NRG1: variants seen among roughly 807,000 people sequenced by gnomAD.
NRG1 encodes pro-neuregulin-1, membrane-bound isoform.
A neutral mutation model predicts 63.8 loss-of-function variants in NRG1; 18 were observed. That is an observed-to-expected ratio of 0.28 (90% CI 0.19 to 0.42). The LOEUF is 0.42. Ranked by LOEUF, NRG1 falls within the 10% of genes least tolerant of loss-of-function variation. NRG1 has a pLI of 1.00. For synonymous variants in NRG1, 302 were observed against 301.3 expected (o/e 1.00, Z -0.02); for missense variants, 762 against 814.7 (o/e 0.94, Z 0.79).
At chr8:32,548,913 C>A in intron 1 of NRG1, 87 bp downstream of exon 1, 1 of 1,434,766 alleles carries the variant, frequency 7.0e-7, no homozygotes, top group East Asian at 2.7e-5. Flanking sequence ...GCCTCTCCCT[C>A]CCCCTCTCCC....
intron 5 of NRG1, among the ~76,000 whole-genome samples, chr8:32,703,089 A>T (rs1176684811): frequency 6.6e-6 from 1 of 152,166 alleles, no homozygotes; most frequent in African/African-American, 2.4e-5. Flanking sequence ...AAATATTTTT[A>T]TATTTGAATT....
intron 1 of NRG1, among the ~76,000 whole-genome samples, chr8:32,398,425 T>G (rs1563408954): frequency 6.6e-6 from 1 of 151,854 alleles, no homozygotes; most frequent in Non-Finnish European, 1.5e-5. Context: ...TTTTTTTTTT[T>G]TTTAAGACCA....
In NRG1 at chr8:32,742,966, G is replaced by A; in HGVS notation, c.691+233G>A. ...CTAATAGGTGTGTGAGGCTCCGGATGTTTCTGGAATTGATATTGAATGATG... is the reference window on the plus strand; with the variant it reads ...CTAATAGGTGTGTGAGGCTCCGGATATTTCTGGAATTGATATTGAATGATG... On this transcript the variant is annotated intron_variant, in intron 7 of 11. Transcript: ENST00000356819. The surrounding 1 kb of genome is among the most constrained non-coding windows in gnomAD (Gnocchi z 4.2). 7.4e-7 allele frequency: 1 copy of A among 1,356,748 alleles called. No homozygotes were observed. The highest frequency in any genetic ancestry group is 1.9e-5 in the South Asian group (1 of 52,998). The allele number at this position is 1,356,748 out of a possible 1,614,324, so 84.0% of individuals were successfully genotyped here.
At chr8:32,357,980 A>C (rs184714355) in intron 1 of NRG1, among the ~76,000 whole-genome samples, 6 of 152,208 alleles carry the variant, frequency 3.9e-5, no homozygotes, top group African/African-American at 1.2e-4. Context: ...AAAATACCGA[A>C]TCTCCCAGCC....
intron 1 of NRG1, among the ~76,000 whole-genome samples, chr8:32,458,601 A>T (rs947726906): frequency 1.3e-5 from 2 of 152,262 alleles, no homozygotes; most frequent in Non-Finnish European, 2.9e-5. Context: ...TTTTGACATG[A>T]TATTTTCATC....
intron 1 of NRG1, among the ~76,000 whole-genome samples, chr8:32,513,130 A>G (rs1337117063): frequency 1.3e-5 from 2 of 151,292 alleles, no homozygotes; most frequent in African/African-American, 4.9e-5. Context: ...ATAATAGTTT[A>G]TTTTAGGTAA....
chr8:31,690,073 ATGAG>A (rs1162535651), intron 1 of NRG1, among the ~76,000 whole-genome samples: 1 of 152,170 alleles, frequency 6.6e-6, no homozygotes, highest in Non-Finnish European at 1.5e-5. Flanking sequence ...TCTCTTGATA[ATGAG>A]TGAGTTCTTG....
intron 1 of NRG1, among the ~76,000 whole-genome samples, chr8:31,980,227 T>C (rs1413482391): frequency 6.6e-6 from 1 of 152,060 alleles, no homozygotes; most frequent in Admixed American, 6.6e-5. Flanking sequence ...ACTACTTACA[T>C]GTTTTGTTGG....
At position 31,844,801 on chromosome 8, in the gene NRG1, C is replaced by T. The variant is rs1245110312; in HGVS notation, c.37+205370C>T. The stretch of plus-strand genomic sequence containing the variant: ...AATGGCTTGGTGAATTTTTTTTTTT[C>T]CTTTTCCTTTTCCAAAGGGAATTAA... On this transcript the variant is annotated intron_variant, in intron 1 of 10. Coordinates refer to the NRG1 transcript ENST00000519301. Among the ~76,000 whole-genome samples the T allele has an allele frequency of 7.3e-4, 108 of 147,642 alleles. 1 individual carries two copies. The highest frequency in any genetic ancestry group is 1.2e-3 in the Non-Finnish European group (78 of 66,416).
chr8:32,375,382 T>G (rs1192429007), intron 1 of NRG1, among the ~76,000 whole-genome samples: 3 of 152,188 alleles, frequency 2.0e-5, no homozygotes, highest in African/African-American at 7.2e-5. Context: ...AACCACACCA[T>G]TTTTATGAAT....
chr8:32,258,832 A>T (rs1159298948), intron 1 of NRG1, among the ~76,000 whole-genome samples: 1 of 152,208 alleles, frequency 6.6e-6, no homozygotes, highest in Non-Finnish European at 1.5e-5. Context: ...AAAACATATC[A>T]GGTACAAACA....
chr8:31,707,074 G>C (rs775772740), intron 1 of NRG1, among the ~76,000 whole-genome samples: 1 of 151,290 alleles, frequency 6.6e-6, no homozygotes, highest in Non-Finnish European at 1.5e-5. Context: ...ATTTTTCTTC[G>C]TGGCTTCTGG....
intron 5 of NRG1, among the ~76,000 whole-genome samples, chr8:32,716,864 T>C (rs1455196069): frequency 5.3e-5 from 8 of 151,722 alleles, no homozygotes; most frequent in Non-Finnish European, 1.0e-4. Flanking sequence ...AGCCAGATGA[T>C]GATAGCAGGA....
intron 1 of NRG1, among the ~76,000 whole-genome samples, chr8:32,468,722 G>GT (rs151112582): frequency 0.24 from 35,072 of 143,518 alleles, 4,438 homozygotes; most frequent in Middle Eastern, 0.33. Flanking sequence ...TAACATTACA[G>GT]TTTTTTTTTT....
intron 1 of NRG1, among the ~76,000 whole-genome samples, chr8:31,712,522 C>A (rs1000743608): frequency 6.6e-6 from 1 of 152,122 alleles, no homozygotes; most frequent in African/African-American, 2.4e-5. Context: ...CCTGCCTCGG[C>A]CTCCCAAAGT....
At chr8:32,320,170 A>G (rs944514734) in intron 1 of NRG1, among the ~76,000 whole-genome samples, 4 of 152,142 alleles carry the variant, frequency 2.6e-5, no homozygotes, top group African/African-American at 9.7e-5. Context: ...ATGATTTTTA[A>G]ATTAAAAATA....
rs202206585 is a variant in NRG1 at position 32,222,034 on chromosome 8, T to TACACACACACACACACAC, written c.38-373780_38-373763dup. Among the ~76,000 whole-genome samples, 76 of 148,694 alleles carry TACACACACACACACACAC rather than the reference T, an allele frequency of 5.1e-4. 1 individual carries two copies. The highest frequency in any genetic ancestry group is 1.8e-3 in the African/African-American group (74 of 40,606). On this transcript the variant is annotated intron_variant, in intron 1 of 10. Coordinates refer to the NRG1 transcript ENST00000519301. The stretch of plus-strand genomic sequence containing the variant: ...TAAAGTGTCTATATGGAAACATACA[T>TACACACACACACACACAC]ACACACACACACACACACACACACA...
chr8:31,781,187 GAA>G (rs1819647890), intron 1 of NRG1, among the ~76,000 whole-genome samples: 1 of 152,112 alleles, frequency 6.6e-6, no homozygotes, highest in Admixed American at 6.6e-5. Flanking sequence ...TGAAGAAGAG[GAA>G]ATAGTTTAAG....
At chr8:32,517,427 C>A (rs1829935322) in intron 1 of NRG1, among the ~76,000 whole-genome samples, 1 of 152,048 alleles carries the variant, frequency 6.6e-6, no homozygotes. Flanking sequence ...GGGCGGCCAG[C>A]AGAAGAAGAT....
Sources: allele counts gnomAD v4.1 joint callset (sites outside exome capture counted in the v4.1 genomes callset), GRCh38; gene constraint gnomAD v4.1.1; non-coding constraint Gnocchi (gnomAD v3.1); transcripts MANE v1.5; gene names NCBI Gene and HGNC (gene_info 2026-07-23, HGNC 2026-07-21).